The following PCDH15 variants were observed in gnomAD, a reference collection of about 807,000 sequenced individuals.
PCDH15 encodes the protein protocadherin-15.
Under a neutral mutation model 178.5 loss-of-function variants are expected in PCDH15, and 129 were observed. The observed-to-expected ratio is 0.72, with a 90% CI of 0.63 to 0.84. The LOEUF is 0.84. PCDH15 is among the 40% of genes least tolerant of loss of function. The pLI is 0.00. For missense variants in PCDH15, 2,230 were observed against 2,099.9 expected (o/e 1.06, Z -1.21); for synonymous variants, 800 against 732.0 (o/e 1.09, Z -1.50).
intron 26 of PCDH15, among the ~76,000 whole-genome samples, chr10:53,881,739 T>A (rs2080734499): frequency 6.6e-6 from 1 of 152,118 alleles, no homozygotes; most frequent in African/African-American, 2.4e-5. Context: ...TTTTAACCCT[T>A]GCGATGTTTT....
chr10:54,878,779 T>C (rs1399945537), intron 3 of PCDH15, among the ~76,000 whole-genome samples: 1 of 152,132 alleles, frequency 6.6e-6, no homozygotes, highest in East Asian at 1.9e-4. Flanking sequence ...CACCCAGGTA[T>C]TAAGCCCAGC....
intron 2 of PCDH15, among the ~76,000 whole-genome samples, chr10:54,931,562 T>A (rs1253265633): frequency 6.6e-6 from 1 of 152,140 alleles, no homozygotes; most frequent in Non-Finnish European, 1.5e-5. Context: ...ACAAACAATA[T>A]CTTTTCTATG....
At chr10:55,576,601 TCATC>T (rs1188527550) in intron 2 of PCDH15, among the ~76,000 whole-genome samples, 1 of 152,188 alleles carries the variant, frequency 6.6e-6, no homozygotes, top group East Asian at 1.9e-4. Flanking sequence ...TTAATAAATT[TCATC>T]CATCCACAAA....
chr10:55,279,847 A>G (rs1057355294), intron 1 of PCDH15, among the ~76,000 whole-genome samples: 2 of 152,156 alleles, frequency 1.3e-5, no homozygotes, highest in Admixed American at 6.5e-5. Flanking sequence ...AATGCTCAGC[A>G]AATACTGTTC....
chr10:54,586,405 C>T (rs940125120), intron 2 of PCDH15, among the ~76,000 whole-genome samples: 1 of 151,998 alleles, frequency 6.6e-6, no homozygotes, highest in African/African-American at 2.4e-5. Flanking sequence ...AATAATAATT[C>T]AATAATAATC....
At chr10:54,703,965 C>A (rs1009248933) in intron 1 of PCDH15, among the ~76,000 whole-genome samples, 1 of 151,992 alleles carries the variant, frequency 6.6e-6, no homozygotes, top group African/African-American at 2.4e-5. Context: ...CCCCTACAAC[C>A]ATCTGCTCTT....
chr10:55,571,460 G>A (rs1399495745), intron 2 of PCDH15, among the ~76,000 whole-genome samples: 2 of 151,912 alleles, frequency 1.3e-5, no homozygotes, highest in Non-Finnish European at 2.9e-5. Flanking sequence ...AAAACATATA[G>A]CTTAAATATG....
intron 2 of PCDH15, among the ~76,000 whole-genome samples, chr10:55,582,705 C>T (rs1425564256): frequency 6.9e-6 from 1 of 144,878 alleles, no homozygotes; most frequent in Non-Finnish European, 1.5e-5. Flanking sequence ...CCACAAAAAT[C>T]CTTCTTAAAT....
intron 2 of PCDH15, among the ~76,000 whole-genome samples, chr10:55,472,791 A>G (rs1839989782): frequency 6.6e-6 from 1 of 152,140 alleles, no homozygotes; most frequent in Non-Finnish European, 1.5e-5. Flanking sequence ...GATGGCCTCC[A>G]TCTCCTGACC....
At chr10:54,349,360 T>G (rs1943823145) in intron 5 of PCDH15, among the ~76,000 whole-genome samples, 1 of 152,216 alleles carries the variant, frequency 6.6e-6, no homozygotes, top group Non-Finnish European at 1.5e-5. Context: ...ATTTCTGGAA[T>G]AAATATTTAT....
chr10:54,394,309 C>T (rs1380249863), intron 3 of PCDH15, among the ~76,000 whole-genome samples: 5 of 148,924 alleles, frequency 3.4e-5, no homozygotes, highest in Non-Finnish European at 7.4e-5. Flanking sequence ...CCCCGATATT[C>T]ATGTAGGTTC....
chr10:53,830,296 C>T (rs1278923107), intron 30 of PCDH15, among the ~76,000 whole-genome samples: 9 of 135,204 alleles, frequency 6.7e-5, no homozygotes, highest in East Asian at 5.3e-4. Flanking sequence ...AGCCAGACTC[C>T]GTCTCCAGGA....
At chr10:54,759,075 C>T (rs77847931) in intron 1 of PCDH15, among the ~76,000 whole-genome samples, 11,741 of 152,046 alleles carry the variant, frequency 0.077, 1,491 homozygotes, top group African/African-American at 0.27. Flanking sequence ...GCCTTCCCTC[C>T]CCCTCCATCT....
intron 9 of PCDH15, among the ~76,000 whole-genome samples, chr10:54,234,503 T>C (rs1232131372): frequency 6.6e-6 from 1 of 152,072 alleles, no homozygotes; most frequent in Non-Finnish European, 1.5e-5. Context: ...CAATGAGCTA[T>C]GATTGTGCCG....
At chr10:55,235,670 G>C (rs562169706) in intron 1 of PCDH15, among the ~76,000 whole-genome samples, 1 of 152,140 alleles carries the variant, frequency 6.6e-6, no homozygotes, top group Admixed American at 6.5e-5. Context: ...ACTTTGGAAG[G>C]CCGAGGTGGG....
At chr10:55,255,085 A>G (rs1047347446) in intron 1 of PCDH15, among the ~76,000 whole-genome samples, 7 of 152,058 alleles carry the variant, frequency 4.6e-5, no homozygotes, top group Non-Finnish European at 8.8e-5. Context: ...TATATCTCCT[A>G]ATGCTATCCC....
chr10:53,959,890 A>T, intron 22 of PCDH15, 46 bp from the exon 23 acceptor site: 2 of 1,423,312 alleles, frequency 1.4e-6, no homozygotes, highest in Non-Finnish European at 2.0e-6. Context: ...AAGTAAGAAC[A>T]GCGTAACAGC....
intron 2 of PCDH15, among the ~76,000 whole-genome samples, chr10:55,046,094 C>T (rs1840997044): frequency 6.6e-6 from 1 of 152,026 alleles, no homozygotes; most frequent in Non-Finnish European, 1.5e-5. Context: ...ATGTACTAAG[C>T]ATACAGAGGG....
intron 14 of PCDH15, among the ~76,000 whole-genome samples, chr10:54,133,858 T>C (rs201073975): frequency 4.5e-5 from 6 of 133,966 alleles, no homozygotes; most frequent in African/African-American, 1.6e-4. Context: ...TATGTATACA[T>C]ACACACACAC....
Sources: allele counts gnomAD v4.1 joint callset (sites outside exome capture counted in the v4.1 genomes callset), GRCh38; gene constraint gnomAD v4.1.1; transcripts MANE v1.5; gene names NCBI Gene and HGNC (gene_info 2026-07-23, HGNC 2026-07-21).